CHCHD3: variants seen among roughly 807,000 people sequenced by gnomAD.
CHCHD3 encodes MICOS complex subunit MIC19.
CHCHD3 carries 20 observed loss-of-function variants against 38.2 expected under a neutral mutation model. The ratio of observed to expected loss-of-function variants is 0.52; its 90% CI spans 0.37 to 0.76. The LOEUF (loss-of-function observed/expected upper bound fraction) is 0.76. CHCHD3 is among the 30% of genes least tolerant of loss of function. The pLI is 0.00. For missense variants in CHCHD3, 245 were observed against 279.2 expected, an observed-to-expected ratio of 0.88 and a Z score of 0.87; for synonymous variants, 82 against 100.0, an observed-to-expected ratio of 0.82 and a Z score of 1.07.
At chr7:132,813,255 A>G (rs982418990) in intron 6 of CHCHD3, among the ~76,000 whole-genome samples, 6 of 152,200 alleles carry the variant, frequency 3.9e-5, no homozygotes, top group Non-Finnish European at 7.3e-5. Context: ...GAGTGGCCAA[A>G]CTACACATGT....
chr7:133,051,429 C>T, intron 2 of CHCHD3, among the ~76,000 whole-genome samples: 1 of 152,128 alleles, frequency 6.6e-6, no homozygotes, highest in East Asian at 1.9e-4. Context: ...ACTATTTTTT[C>T]CCTAATTCTC....
chr7:132,992,676 C>A (rs548663275), intron 3 of CHCHD3, among the ~76,000 whole-genome samples: 13 of 152,194 alleles, frequency 8.5e-5, no homozygotes, highest in East Asian at 1.9e-4. Context: ...TGAGAAAAAA[C>A]CAGAATTATT....
At chr7:133,011,806 A>G (rs1296622310) in intron 3 of CHCHD3, among the ~76,000 whole-genome samples, 1 of 152,232 alleles carries the variant, frequency 6.6e-6, no homozygotes, top group Non-Finnish European at 1.5e-5. Context: ...ATCTTTAAAA[A>G]ATTATTTTAT....
chr7:132,861,919 T>C (rs1473524201), intron 5 of CHCHD3, among the ~76,000 whole-genome samples: 1 of 152,116 alleles, frequency 6.6e-6, no homozygotes, highest in African/African-American at 2.4e-5. Flanking sequence ...GGTAAGAAAA[T>C]GTTAAACTGG....
chr7:132,910,032 T>G (rs1226798903), intron 4 of CHCHD3, among the ~76,000 whole-genome samples: 1 of 152,226 alleles, frequency 6.6e-6, no homozygotes, highest in Non-Finnish European at 1.5e-5. Flanking sequence ...GCAAGTGCAC[T>G]TATAAGCAGA....
At chr7:132,894,890 T>A (rs1181653888) in intron 4 of CHCHD3, among the ~76,000 whole-genome samples, 1 of 152,228 alleles carries the variant, frequency 6.6e-6, no homozygotes, top group East Asian at 1.9e-4. Flanking sequence ...TACTCAGGAA[T>A]GCACAATCCA....
intron 1 of CHCHD3, among the ~76,000 whole-genome samples, chr7:133,078,963 G>A (rs1281303639): frequency 6.6e-6 from 1 of 152,174 alleles, no homozygotes; most frequent in Admixed American, 6.6e-5. Context: ...ATGGCTTATG[G>A]ACATACTGAG....
chr7:132,899,807 T>C (rs569139714), intron 4 of CHCHD3, among the ~76,000 whole-genome samples: 14 of 152,366 alleles, frequency 9.2e-5, no homozygotes, highest in African/African-American at 2.6e-4. Flanking sequence ...ATTCAGAGGA[T>C]AGGCTAAATA....
intron 3 of CHCHD3, among the ~76,000 whole-genome samples, chr7:133,005,529 G>T (rs978333627): frequency 1.3e-5 from 2 of 152,150 alleles, no homozygotes; most frequent in Non-Finnish European, 2.9e-5. Context: ...AATCACAAAA[G>T]TATACGCTAT....
At chr7:132,875,533 T>C (rs1051637919) in intron 5 of CHCHD3, among the ~76,000 whole-genome samples, 4 of 152,180 alleles carry the variant, frequency 2.6e-5, no homozygotes, top group African/African-American at 9.7e-5. Flanking sequence ...TCCCATGATC[T>C]TTAGCTCTTG....
chr7:132,963,105 C>T (rs375128014), intron 4 of CHCHD3, among the ~76,000 whole-genome samples: 8 of 149,600 alleles, frequency 5.3e-5, no homozygotes, highest in East Asian at 3.9e-4. Flanking sequence ...GGTAAATGAG[C>T]ATGTCTTCTA....
intron 2 of CHCHD3, among the ~76,000 whole-genome samples, chr7:133,047,150 G>A (rs901890928): frequency 6.6e-6 from 1 of 152,212 alleles, no homozygotes; most frequent in South Asian, 2.1e-4. Context: ...TGGAAGCGAT[G>A]CTAGAGTTAA....
chr7:132,907,664 C>T (rs1023762279), intron 4 of CHCHD3, among the ~76,000 whole-genome samples: 4 of 152,016 alleles, frequency 2.6e-5, no homozygotes, highest in African/African-American at 7.2e-5. Flanking sequence ...ATCCTGTAGG[C>T]CATGGGGGGG....
At chr7:132,812,097 G>A (rs1807084517) in intron 6 of CHCHD3, among the ~76,000 whole-genome samples, 1 of 151,014 alleles carries the variant, frequency 6.6e-6, no homozygotes, top group Non-Finnish European at 1.5e-5. Flanking sequence ...AGTTGTCCTT[G>A]ATACCTCCCC....
chr7:132,931,949 C>A (rs1022675794), intron 4 of CHCHD3, among the ~76,000 whole-genome samples: 1 of 152,124 alleles, frequency 6.6e-6, no homozygotes, highest in Non-Finnish European at 1.5e-5. Context: ...AGAAAACAGC[C>A]AGCTGTGAGT....
chr7:133,018,828 G>C (rs1584646974), intron 3 of CHCHD3, among the ~76,000 whole-genome samples: 2 of 145,468 alleles, frequency 1.4e-5, no homozygotes, highest in African/African-American at 5.1e-5. Context: ...ACAAATACTT[G>C]TGAGACTTTA....
rs35444691 is a variant in CHCHD3 at position 133,003,961 on chromosome 7, A to AT, written c.251+20584dup. Among the ~76,000 whole-genome samples, 462 of 147,632 alleles carry AT rather than the reference A, an allele frequency of 3.1e-3. 1 individual carries two copies. Among genetic ancestry groups the AT allele is most frequent in the African/African-American group, 8.4e-3 (338 of 40,330 alleles). On this transcript the variant is annotated intron_variant, in intron 3 of 7. Transcript: ENST00000262570. ...TTTGAACCTGAAAGATATCTTAAAG[A>AT]TTTTTTTTTTTTTGAGACGGAGTTT...
chr7:132,806,285 C>T (rs1043865442), intron 6 of CHCHD3, among the ~76,000 whole-genome samples: 1 of 152,056 alleles, frequency 6.6e-6, no homozygotes, highest in Non-Finnish European at 1.5e-5. Context: ...AGGCAGAAGC[C>T]AGGTAGAAAT....
intron 4 of CHCHD3, among the ~76,000 whole-genome samples, chr7:132,967,624 CTTAA>C (rs1562924386): frequency 1.6e-5 from 2 of 124,396 alleles, no homozygotes; most frequent in African/African-American, 3.1e-5. Flanking sequence ...AATGCTGTTT[CTTAA>C]ATAAATAAAT....
Sources: allele counts gnomAD v4.1 joint callset (sites outside exome capture counted in the v4.1 genomes callset), GRCh38; gene constraint gnomAD v4.1.1; transcripts MANE v1.5; gene names NCBI Gene and HGNC (gene_info 2026-07-23, HGNC 2026-07-21).